Variants in CAPN14 observed in about 807,000 individuals in gnomAD.
CAPN14 encodes calpain 14.
CAPN14 carries 94 observed loss-of-function variants against 101.3 expected under a neutral mutation model. The ratio of observed to expected loss-of-function variants is 0.93; its 90% CI spans 0.79 to 1.10. The LOEUF is 1.10. Ranked by LOEUF, CAPN14 falls within the 50% of genes least tolerant of loss-of-function variation. The pLI is 0.00. For missense variants in CAPN14, 837 were observed against 828.4 expected (o/e 1.01, Z -0.13); for synonymous variants, 338 against 317.9 (o/e 1.06, Z -0.67).
At chr2:31,206,846 T>C (rs1346640445) in intron 1 of CAPN14, among the ~76,000 whole-genome samples, 2 of 152,236 alleles carry the variant, frequency 1.3e-5, no homozygotes, top group Non-Finnish European at 2.9e-5. Flanking sequence ...AACTGAAACC[T>C]GTCCATTCAT....
chr2:31,203,828 G>A (rs924651771), intron 2 of CAPN14, among the ~76,000 whole-genome samples: 18 of 152,086 alleles, frequency 1.2e-4, no homozygotes, highest in Non-Finnish European at 2.6e-4. Flanking sequence ...GAAAGTCTGT[G>A]GCACAGGCTT....
rs1055630062 is a variant in CAPN14 at position 31,192,027 on chromosome 2, G to A, written c.1186C>T (p.Pro396Ser). Residue 396 changes from proline (P) to serine (S), a missense_variant, in exon 11 of 22, where the codon CCC (proline) becomes TCC (serine). By Grantham distance (74) the Pro-to-Ser change is moderately conservative. Coordinates refer to ENST00000403897, the MANE Select transcript of CAPN14 (RefSeq NM_001145122.2). Reference protein sequence around the residue: ...RPEEGRRSLRPCSVLVSLLQK... With the variant: ...RPEEGRRSLRSCSVLVSLLQK... ...AGCAGGGACACCAGCACGCTGCAGG[G>A]CCTCAGGGATCTCCTGCCCTCCTCG... The A allele has an allele frequency of 3.9e-6, 6 of 1,551,482 alleles. No individual in the cohort carries two copies. In the African/African-American group the frequency reaches 6.8e-5, roughly 18 times the overall value.
intron 9 of CAPN14, among the ~76,000 whole-genome samples, 182 bp from the exon 10 acceptor site, chr2:31,193,476 G>A (rs144932747): frequency 1.1e-3 from 163 of 152,168 alleles, no homozygotes; most frequent in African/African-American, 3.6e-3. Context: ...AGATCCCTGT[G>A]AGGGTCCATC....
rs1438734169 is a variant in CAPN14, at chr2:31,205,279, C to T, written c.169G>A (p.Gly57Ser). The T allele has an allele frequency of 3.2e-6, 5 of 1,549,972 alleles. No homozygotes were observed. Among genetic ancestry groups the T allele is most frequent in the East Asian group, 4.9e-5 (2 of 40,908 alleles). Residue 57 changes from glycine (G) to serine (S), a missense_variant, in exon 2 of 22, where the codon GGC becomes AGC. Physicochemically the swap from Gly to Ser is moderately conservative, Grantham distance 56. Transcript: ENST00000403897. The part of the protein sequence containing the change: ...TSFPATLSSI[G>S]SGSLLQKLPP... ...AGCTTCTGCAGCAGGGAGCCACTGC[C>T]GATGGAGCTCAGGGTGGCCGGGAAG...
In CAPN14 at chr2:31,193,213, C is replaced by G; in HGVS notation, c.1032G>C (p.Ala344=). The change falls in exon 10 of 22, where the codon GCG becomes GCC. Residue 344 remains alanine (A), a synonymous_variant. Transcript: ENST00000403897. ...KLTPGLLSQE[A]AQKWTYTMRE... The stretch of plus-strand genomic sequence containing the variant: ...GCATGGTGTACGTCCACTTCTGGGC[C>G]GCCTCCTGGCTCAACAGGCCTGGGG... 6.4e-7 allele frequency: 1 copy of G among 1,551,694 alleles called. No individual in the cohort carries two copies. Among genetic ancestry groups the G allele is most frequent in the Non-Finnish European group, 8.7e-7 (1 of 1,147,012 alleles).
chr2:31,215,027 C>A (rs558455893), intron 1 of CAPN14, among the ~76,000 whole-genome samples: 1 of 152,204 alleles, frequency 6.6e-6, no homozygotes, highest in South Asian at 2.1e-4. Context: ...CAGCCTCCTC[C>A]TAAACTATGA....
chr2:31,216,898 T>C (rs11900799), intron 1 of CAPN14, among the ~76,000 whole-genome samples: 118,352 of 152,132 alleles, frequency 0.78, 46,371 homozygotes, highest in East Asian at 1. Context: ...TTCACTCTTA[T>C]AGTGTGGTCA....
intron 1 of CAPN14, chr2:31,228,342 G>C (rs1034775597): frequency 6.6e-6 from 1 of 152,170 alleles, no homozygotes; most frequent in Admixed American, 6.5e-5. Flanking sequence ...GAATGCACCC[G>C]ATCTCATCTG....
chr2:31,177,181 C>T (rs1211413922), intron 19 of CAPN14, 39 bp from the exon 20 acceptor site: 12 of 1,431,422 alleles, frequency 8.4e-6, no homozygotes, highest in Non-Finnish European at 1.2e-5. Flanking sequence ...GTATTGGGGG[C>T]TTGCACCCAG....
At chr2:31,232,299 C>CT (rs997913131) in intron 1 of CAPN14, among the ~76,000 whole-genome samples, 20 of 152,108 alleles carry the variant, frequency 1.3e-4, no homozygotes, top group East Asian at 9.7e-4. Context: ...CTTATGTCCT[C>CT]TTTTTTTTAT....
chr2:31,203,595 G>A (rs188393364), intron 2 of CAPN14, among the ~76,000 whole-genome samples: 1 of 152,024 alleles, frequency 6.6e-6, no homozygotes, highest in Non-Finnish European at 1.5e-5. Context: ...TCTCTGCTCC[G>A]TGGCAAGATT....
intron 1 of CAPN14, among the ~76,000 whole-genome samples, chr2:31,207,434 C>T (rs1448919990): frequency 6.6e-6 from 1 of 152,146 alleles, no homozygotes. Context: ...TAAATACAAA[C>T]ATAACATTTT....
At chr2:31,202,946 T>G in intron 3 of CAPN14, 124 bp downstream of exon 3, 2 of 737,648 alleles carry the variant, frequency 2.7e-6, no homozygotes, top group Non-Finnish European at 4.5e-6. Context: ...TGCCAGTGAA[T>G]AGCCATTTTG....
At chr2:31,188,610 G>A (rs548403676) in intron 13 of CAPN14, among the ~76,000 whole-genome samples, 16 of 152,310 alleles carry the variant, frequency 1.1e-4, no homozygotes, top group South Asian at 4.1e-4. Context: ...GTGGTCTGAC[G>A]TGGCAGTGGG....
At position 31,199,465 on chromosome 2, in the gene CAPN14, C is replaced by T. The variant is rs1206121653; in HGVS notation, c.789+5G>A. 1.3e-6 allele frequency: 2 copies of T among 1,551,278 alleles called. No individual in the cohort carries two copies. The highest frequency in any genetic ancestry group is 1.7e-6 in the Non-Finnish European group (2 of 1,146,792). Reference sequence around the variant, plus strand: ...AGGGAAACCGAAGGGCCAACCTCAACCCACCTTCCTGATTCCTGTGAGAGT... The same window carrying T: ...AGGGAAACCGAAGGGCCAACCTCAATCCACCTTCCTGATTCCTGTGAGAGT... On this transcript the variant is annotated splice_donor_5th_base_variant and intron_variant, in intron 7 of 21. Coordinates refer to ENST00000403897, the MANE Select transcript of CAPN14 (RefSeq NM_001145122.2).
chr2:31,197,589 A>T (rs1681532076), intron 7 of CAPN14, among the ~76,000 whole-genome samples: 1 of 152,242 alleles, frequency 6.6e-6, no homozygotes, highest in African/African-American at 2.4e-5. Flanking sequence ...TAGTGGGTTG[A>T]ATGGTGATCT....
In CAPN14 at chr2:31,177,730, C is replaced by A. The variant is rs772512234; in HGVS notation, c.1855+16G>T. On this transcript the variant is annotated intron_variant, in intron 19 of 21. Coordinates refer to ENST00000403897, the MANE Select transcript of CAPN14 (RefSeq NM_001145122.2). ...TGCCCGTGTGTGCCCACAGCTCCAG[C>A]TCTTCCTGTGCCTACCTGCCTCCCT... 37 of 1,547,642 alleles carry A rather than the reference C, an allele frequency of 2.4e-5. No homozygotes were observed. Among genetic ancestry groups the A allele is most frequent in the Non-Finnish European group, 3.2e-5 (37 of 1,143,262 alleles).
At chr2:31,233,238 C>T (rs952616393) in intron 1 of CAPN14, among the ~76,000 whole-genome samples, 1 of 152,178 alleles carries the variant, frequency 6.6e-6, no homozygotes, top group Non-Finnish European at 1.5e-5. Context: ...GCCTTTCATG[C>T]TTGGCCTCCC....
intron 1 of CAPN14, among the ~76,000 whole-genome samples, chr2:31,213,621 T>A (rs1682505284): frequency 6.6e-6 from 1 of 152,270 alleles, no homozygotes; most frequent in Non-Finnish European, 1.5e-5. Context: ...GAATCCATCA[T>A]TAAGAATTTA....
Sources: gnomAD v4.1 joint callset for allele counts (sites outside exome capture counted in the v4.1 genomes callset) on GRCh38, gnomAD v4.1.1 for gene constraint, MANE v1.5 for transcripts, NCBI Gene and HGNC (gene_info 2026-07-23, HGNC 2026-07-21) for gene names.